TENM3: variants seen among roughly 807,000 people sequenced by gnomAD.
TENM3 encodes teneurin transmembrane protein 3.
In TENM3, 63 loss-of-function variants were observed where a neutral mutation model predicts 255.1. The ratio of observed to expected loss-of-function variants is 0.25; its 90% CI spans 0.20 to 0.30. TENM3 has a LOEUF of 0.30. TENM3 is among the 10% of genes least tolerant of loss of function. TENM3 has a pLI of 1.00. For synonymous variants in TENM3, 1,306 were observed against 1,322.3 expected, an observed-to-expected ratio of 0.99 and a Z score of 0.27; for missense variants, 2,929 against 3,461.1, an observed-to-expected ratio of 0.85 and a Z score of 3.86.
chr4:182,536,083 A>T (rs938374395), intron 3 of TENM3, among the ~76,000 whole-genome samples: 1 of 152,228 alleles, frequency 6.6e-6, no homozygotes, highest in Non-Finnish European at 1.5e-5. Context: ...ACGAACAAAT[A>T]TGGTGTATTT....
intron 5 of TENM3, among the ~76,000 whole-genome samples, chr4:182,640,289 C>T (rs768972673): frequency 2.0e-5 from 3 of 152,032 alleles, no homozygotes; most frequent in East Asian, 3.9e-4. Context: ...TAAAGGTGAT[C>T]GGCACATTTT....
intron 1 of TENM3, among the ~76,000 whole-genome samples, chr4:182,245,116 A>G (rs574572111): frequency 2.5e-4 from 38 of 152,256 alleles, no homozygotes; most frequent in Middle Eastern, 3.4e-3. Flanking sequence ...GTCACTTGCT[A>G]TGGGAATACT....
chr4:182,736,191 A>T (rs1761147611), intron 16 of TENM3, among the ~76,000 whole-genome samples: 1 of 152,238 alleles, frequency 6.6e-6, no homozygotes, highest in Admixed American at 6.5e-5. Context: ...GGAATCTGCT[A>T]CAATCTAACC....
chr4:182,136,905 A>C, the TENM3 span, among the ~76,000 whole-genome samples: 1 of 152,182 alleles, frequency 6.6e-6, no homozygotes, highest in East Asian at 1.9e-4. Flanking sequence ...GAATTGTGGA[A>C]TCTGTCTTTT....
the TENM3 span, among the ~76,000 whole-genome samples, chr4:181,470,143 T>G: frequency 1.7e-5 from 2 of 119,116 alleles, no homozygotes; most frequent in Non-Finnish European, 3.6e-5. Context: ...CAAAAGGAAC[T>G]ATTCTATTTA....
the TENM3 span, among the ~76,000 whole-genome samples, chr4:181,762,386 T>G: frequency 2.0e-5 from 3 of 152,154 alleles, no homozygotes; most frequent in Non-Finnish European, 2.9e-5. Context: ...CCACCTGGAT[T>G]TCCCCCCTGC....
chr4:181,495,464 A>G, the TENM3 span, among the ~76,000 whole-genome samples: 1 of 152,124 alleles, frequency 6.6e-6, no homozygotes, highest in Non-Finnish European at 1.5e-5. Context: ...TCTCTCCATT[A>G]TGAAAAAGGA....
chr4:181,616,852 A>G, the TENM3 span, among the ~76,000 whole-genome samples: 1 of 152,206 alleles, frequency 6.6e-6, no homozygotes, highest in Non-Finnish European at 1.5e-5. Flanking sequence ...GCCCACCCAC[A>G]GAGTTGAAGG....
chr4:182,568,638 T>G (rs1207323692), intron 3 of TENM3, among the ~76,000 whole-genome samples: 1 of 152,212 alleles, frequency 6.6e-6, no homozygotes, highest in Non-Finnish European at 1.5e-5. Context: ...GAGCCAGTAA[T>G]TGTACTCTTC....
rs778011924 is a variant in TENM3 at position 182,679,837 on chromosome 4, A to G, written c.1498A>G (p.Lys500Glu). The G allele has an allele frequency of 2.6e-5, 42 of 1,613,058 alleles. No homozygotes were observed. The highest frequency in any genetic ancestry group is 8.8e-5 in the South Asian group (8 of 90,906). Residue 500 changes from lysine to glutamate, a missense_variant, in exon 8 of 28, where the codon AAA becomes GAA. This residue lies in a region of TENM3 where 1,608 missense variants were observed against 1,884.4 expected (regional missense o/e 0.85). Coordinates refer to ENST00000511685, the MANE Select transcript of TENM3 (RefSeq NM_001080477.4). The part of the protein sequence containing the change: ...IWHLAFYNDG[K>E]NAEQVSFNTI... ...GCATCTGGCTTTTTATAATGATGGG[A>G]AAAATGCAGAGCAGGTGTCTTTTAA...
the TENM3 span, among the ~76,000 whole-genome samples, chr4:181,481,168 A>G: frequency 6.6e-6 from 1 of 151,760 alleles, no homozygotes; most frequent in Admixed American, 6.6e-5. Flanking sequence ...TTTTTTGAAA[A>G]CTTTATTGCT....
At chr4:182,692,408 G>T (rs1757076199) in intron 12 of TENM3, among the ~76,000 whole-genome samples, 2 of 149,960 alleles carry the variant, frequency 1.3e-5, no homozygotes. Flanking sequence ...TTTAGTATTT[G>T]TTGAAGAGGT....
At chr4:181,704,557 A>G in the TENM3 span, among the ~76,000 whole-genome samples, 1 of 152,084 alleles carries the variant, frequency 6.6e-6, no homozygotes, top group East Asian at 1.9e-4. Flanking sequence ...ATTCTGGTAG[A>G]CCTTAGAACA....
the TENM3 span, among the ~76,000 whole-genome samples, chr4:181,966,277 G>T: frequency 6.6e-6 from 1 of 152,286 alleles, no homozygotes; most frequent in East Asian, 1.9e-4. Context: ...GTGTCATTCA[G>T]TTTGGGGTGG....
the TENM3 span, among the ~76,000 whole-genome samples, chr4:181,735,394 A>AGAT: frequency 2.0e-5 from 3 of 152,216 alleles, no homozygotes; most frequent in African/African-American, 7.2e-5. Context: ...CCAATAATTT[A>AGAT]GATGTCAAGA....
At chr4:181,519,883 A>G in the TENM3 span, among the ~76,000 whole-genome samples, 1 of 152,346 alleles carries the variant, frequency 6.6e-6, no homozygotes, top group Non-Finnish European at 1.5e-5. Context: ...TCAGTGAAGG[A>G]AGTTTAGCAA....
chr4:182,723,688 T>TA (rs1759926231), intron 13 of TENM3, among the ~76,000 whole-genome samples: 1 of 152,080 alleles, frequency 6.6e-6, no homozygotes, highest in East Asian at 1.9e-4. Flanking sequence ...AAAAAAAGAA[T>TA]CAAGAGTGAT....
At chr4:181,796,594 G>A in the TENM3 span, among the ~76,000 whole-genome samples, 1 of 152,188 alleles carries the variant, frequency 6.6e-6, no homozygotes, top group East Asian at 1.9e-4. Flanking sequence ...GCCCCAGGAA[G>A]GGGAGGGGTG....
chr4:182,546,221 A>C (rs1189830153), intron 3 of TENM3, among the ~76,000 whole-genome samples: 2 of 152,172 alleles, frequency 1.3e-5, no homozygotes, highest in African/African-American at 2.4e-5. Flanking sequence ...GGAAATCTGC[A>C]TGTAAGTGCG....
Sources: allele counts gnomAD v4.1 joint callset (sites outside exome capture counted in the v4.1 genomes callset), GRCh38; gene constraint gnomAD v4.1.1; regional missense constraint gnomAD v4.1.1; transcripts MANE v1.5; gene names NCBI Gene and HGNC (gene_info 2026-07-23, HGNC 2026-07-21).